The following DIP2B variants were observed in gnomAD, a reference collection of about 807,000 sequenced individuals.
DIP2B encodes disco-interacting protein 2 homolog B.
A neutral mutation model predicts 198.0 loss-of-function variants in DIP2B; 76 were observed. The ratio of observed to expected loss-of-function variants is 0.38; its 90% CI spans 0.32 to 0.46. The LOEUF (loss-of-function observed/expected upper bound fraction) is 0.46, where lower values mean the gene tolerates loss of function less well. Among genes scored for constraint, DIP2B ranks in the 20% least tolerant of loss-of-function variants. DIP2B has a pLI of 0.99. For missense variants in DIP2B, 1,559 were observed against 1,978.4 expected, an observed-to-expected ratio of 0.79 and a Z score of 4.02; for synonymous variants, 701 against 739.1, an observed-to-expected ratio of 0.95 and a Z score of 0.84.
intron 12 of DIP2B, among the ~76,000 whole-genome samples, chr12:50,690,171 C>G (rs891744369): frequency 6.6e-6 from 1 of 151,368 alleles, no homozygotes; most frequent in African/African-American, 2.4e-5. Flanking sequence ...ACTGCAAGCT[C>G]TGCCTCCCAG....
At chr12:50,601,832 A>G (rs952720564) in intron 1 of DIP2B, among the ~76,000 whole-genome samples, 14 of 152,114 alleles carry the variant, frequency 9.2e-5, no homozygotes, top group African/African-American at 2.9e-4. Flanking sequence ...ATCTTACCCT[A>G]TCTCATGCCC....
At chr12:50,635,439 T>C (rs1938141171) in intron 2 of DIP2B, among the ~76,000 whole-genome samples, 1 of 152,228 alleles carries the variant, frequency 6.6e-6, no homozygotes, top group African/African-American at 2.4e-5. Flanking sequence ...TTAGCTTGCC[T>C]TGATAAGAAG....
At chr12:50,508,238 G>A (rs766736574) in intron 1 of DIP2B, among the ~76,000 whole-genome samples, 10 of 152,178 alleles carry the variant, frequency 6.6e-5, no homozygotes, top group Non-Finnish European at 1.3e-4. Context: ...ATAAGGATGA[G>A]CTTTTCTATA....
chr12:50,706,722 C>T (rs1939520337), intron 21 of DIP2B, 57 bp downstream of exon 21: 1 of 1,578,776 alleles, frequency 6.3e-7, no homozygotes, highest in Admixed American at 1.7e-5. Flanking sequence ...AATACATCTT[C>T]ACATGGTGAT....
chr12:50,696,108 C>T (rs139115527), intron 16 of DIP2B, 141 bp downstream of exon 16: 8 of 1,306,042 alleles, frequency 6.1e-6, no homozygotes, highest in East Asian at 4.8e-5. Context: ...GGTATATTCA[C>T]GAGTTGTGTA....
intron 23 of DIP2B, 143 bp from the exon 24 acceptor site, chr12:50,718,566 T>C (rs891043007): frequency 1.8e-5 from 12 of 679,198 alleles, no homozygotes; most frequent in East Asian, 1.6e-4. Flanking sequence ...CCCTATTTGC[T>C]CCTGGGTTCC....
At chr12:50,714,709 G>A (rs1939681847) in intron 23 of DIP2B, 113 bp downstream of exon 23, 1 of 1,300,166 alleles carries the variant, frequency 7.7e-7, no homozygotes, top group African/African-American at 1.5e-5. Flanking sequence ...GGAGGCCAAG[G>A]TGGGAGGGTC....
intron 1 of DIP2B, among the ~76,000 whole-genome samples, chr12:50,594,726 T>C (rs1275334800): frequency 2.6e-5 from 4 of 152,214 alleles, no homozygotes; most frequent in African/African-American, 9.6e-5. Flanking sequence ...TATCAAAATA[T>C]ATTTAAAAAG....
Position 50,731,361 on chromosome 12 carries a change from C to G in DIP2B, c.3642-8C>G, listed in dbSNP as rs762037274. On this transcript the variant is annotated splice_region_variant and splice_polypyrimidine_tract_variant and intron_variant, in intron 30 of 37. Transcript: ENST00000301180. ...TGATGATTCCAGCTCTTGTCTCTTT[C>G]ACTGCAGTGTCTATTCAGGCCACCA... 3.3e-5 allele frequency: 53 copies of G among 1,611,178 alleles called. 2 individuals carry two copies. In the South Asian group the frequency reaches 4.3e-4, roughly 13 times the overall value.
intron 1 of DIP2B, among the ~76,000 whole-genome samples, chr12:50,614,831 G>T (rs920997425): frequency 1.3e-5 from 2 of 152,162 alleles, no homozygotes; most frequent in African/African-American, 2.4e-5. Context: ...CTGCTTTTGC[G>T]ATCCCCATGC....
intron 1 of DIP2B, among the ~76,000 whole-genome samples, chr12:50,525,201 C>A (rs1185290364): frequency 2.0e-5 from 3 of 151,676 alleles, no homozygotes; most frequent in African/African-American, 7.3e-5. Context: ...ACTAAAAATA[C>A]AAAAAAATTA....
intron 28 of DIP2B, among the ~76,000 whole-genome samples, chr12:50,726,246 A>G (rs1592144412): frequency 6.6e-6 from 1 of 152,238 alleles, no homozygotes; most frequent in African/African-American, 2.4e-5. Flanking sequence ...GGCTGGAGCC[A>G]GAGGAAATCT....
At chr12:50,638,751 A>T (rs970917451) in intron 2 of DIP2B, among the ~76,000 whole-genome samples, 7 of 152,094 alleles carry the variant, frequency 4.6e-5, no homozygotes, top group Admixed American at 1.3e-4. Context: ...CTGTTAAATA[A>T]TGTCCTGCTG....
At chr12:50,588,445 C>T (rs576843440) in intron 1 of DIP2B, among the ~76,000 whole-genome samples, 16 of 152,246 alleles carry the variant, frequency 1.1e-4, no homozygotes, top group Admixed American at 5.2e-4. Flanking sequence ...CCCCCGTGCC[C>T]GGCCTGATTC....
chr12:50,559,857 G>C (rs1842737702), intron 1 of DIP2B, among the ~76,000 whole-genome samples: 1 of 152,144 alleles, frequency 6.6e-6, no homozygotes, highest in African/African-American at 2.4e-5. Context: ...CTTGTAGAGG[G>C]GTGAAATGTA....
intron 1 of DIP2B, among the ~76,000 whole-genome samples, chr12:50,535,103 A>G (rs1466122564): frequency 6.6e-6 from 1 of 152,040 alleles, no homozygotes. Context: ...GTGATGGTGC[A>G]TGCCTGTAGT....
At chr12:50,636,277 ATTTTG>A (rs1318522295) in intron 2 of DIP2B, among the ~76,000 whole-genome samples, 5 of 152,128 alleles carry the variant, frequency 3.3e-5, no homozygotes, top group African/African-American at 1.2e-4. Context: ...AGTGGAATCT[ATTTTG>A]TTTTATGTGT....
chr12:50,627,715 C>T (rs1593667739), intron 2 of DIP2B, among the ~76,000 whole-genome samples: 1 of 152,234 alleles, frequency 6.6e-6, no homozygotes, highest in South Asian at 2.1e-4. Flanking sequence ...AGTGAGCATG[C>T]ATTTGATGAA....
intron 19 of DIP2B, among the ~76,000 whole-genome samples, chr12:50,699,555 A>G (rs756632355): frequency 3.7e-4 from 57 of 152,162 alleles, no homozygotes; most frequent in Non-Finnish European, 7.1e-4. Flanking sequence ...AAAGGGTAAG[A>G]TGAGCTGGGC....
Sources: allele counts gnomAD v4.1 joint callset (sites outside exome capture counted in the v4.1 genomes callset), GRCh38; gene constraint gnomAD v4.1.1; transcripts MANE v1.5; gene names NCBI Gene and HGNC (gene_info 2026-07-23, HGNC 2026-07-21).